PRDM8: variants seen among roughly 807,000 people sequenced by gnomAD.
PRDM8 encodes PR/SET domain 8.
A neutral mutation model predicts 46.5 loss-of-function variants in PRDM8; 13 were observed. The observed-to-expected ratio is 0.28, with a 90% CI of 0.18 to 0.44. The LOEUF (loss-of-function observed/expected upper bound fraction) is 0.44. Ranked by LOEUF, PRDM8 falls within the 20% of genes least tolerant of loss-of-function variation. PRDM8 has a pLI of 1.00. For synonymous variants in PRDM8, 473 were observed against 438.4 expected, an observed-to-expected ratio of 1.08 and a Z score of -0.98; for missense variants, 998 against 955.0, an observed-to-expected ratio of 1.04 and a Z score of -0.59.
chr4:80,198,979 G>GTTTTTT lies in PRDM8; in HGVS notation c.-2-1100_-2-1099insTTTTTT, dbSNP rs1738184321. On this transcript the variant is annotated intron_variant, in intron 1 of 3. Transcript: ENST00000415738. ...AAATTTAAATACCTGGGTTTTTTTG[G>GTTTTTT]GTTTTTTTTTTTTTGTTTTTTTTTT... Among the ~76,000 whole-genome samples, 15 of 113,524 alleles carry GTTTTTT rather than the reference G, an allele frequency of 1.3e-4. 2 individuals are homozygous for GTTTTTT. The East Asian group carries it at 1.3e-3, about 10-fold the overall frequency. The allele number at this position is 113,524 out of a possible 152,430, so 74.5% of individuals were successfully genotyped here.
chr4:80,192,648 C>T (rs1382232515), upstream of PRDM8, among the ~76,000 whole-genome samples: 1 of 152,194 alleles, frequency 6.6e-6, no homozygotes, highest in Non-Finnish European at 1.5e-5. Context: ...TTGGAACCTA[C>T]AGATTTGACA....
intron 2 of PRDM8, 43 bp downstream of exon 2, chr4:80,200,342 C>T (rs781063437): frequency 3.3e-6 from 5 of 1,518,828 alleles, no homozygotes; most frequent in Admixed American, 3.4e-5. Context: ...AGGGTAATGT[C>T]CTGTTGGAAA....
chr4:80,202,971 G>A lies in PRDM8; in HGVS notation c.1509G>A (p.Gln503=). 6.7e-7 allele frequency: 1 copy of A among 1,495,180 alleles called. No individual in the cohort carries two copies. The highest frequency in any genetic ancestry group is 2.2e-5 in the Admixed American group (1 of 45,506). 92.6% of individuals were successfully genotyped at this position (1,495,180 alleles called of 1,614,324 possible). Residue 503 remains glutamine, a synonymous_variant, in exon 4 of 4, where the codon CAG becomes CAA. Transcript: ENST00000415738. ...ASDERKSAFS[Q]PARSFSQLSP... Reference sequence around the variant, plus strand: ...ACGAGCGCAAAAGCGCCTTCTCGCAGCCAGCACGCTCTTTCTCGCAGCTGT... The same window carrying A: ...ACGAGCGCAAAAGCGCCTTCTCGCAACCAGCACGCTCTTTCTCGCAGCTGT...
chr4:80,188,245 C>G (rs1025559197), intron 1 of PRDM8, among the ~76,000 whole-genome samples: 1 of 152,220 alleles, frequency 6.6e-6, no homozygotes, highest in Non-Finnish European at 1.5e-5. Flanking sequence ...GCAGAAGACA[C>G]TGAGCTGCTT....
chr4:80,198,656 T>C (rs1738153509), intron 1 of PRDM8, among the ~76,000 whole-genome samples: 1 of 152,122 alleles, frequency 6.6e-6, no homozygotes, highest in Non-Finnish European at 1.5e-5. Flanking sequence ...AAAATGAGGC[T>C]AACCAAAGTT....
In PRDM8 at chr4:80,197,594, C is replaced by G. The variant is rs1170714300; in HGVS notation, c.-172C>G. 2 of 973,048 alleles carry G rather than the reference C, an allele frequency of 2.1e-6. No homozygotes were observed. Among genetic ancestry groups the G allele is most frequent in the Non-Finnish European group, 2.4e-6 (2 of 818,764 alleles). The allele number at this position is 973,048 out of a possible 1,614,324, so 60.3% of individuals were successfully genotyped here. A position where few individuals can be genotyped will look rare whatever the true frequency, so the allele number is the denominator to read the frequency against. On this transcript the variant is annotated 5_prime_UTR_variant, in exon 1 of 4. Transcript: ENST00000415738. ...CTCCACCCCCCCAATCTTTTTCTCC[C>G]CATCTCTCCATCTCTCTCTTATCTC...
chr4:80,188,322 T>C (rs1464047516), intron 1 of PRDM8, among the ~76,000 whole-genome samples: 3 of 152,232 alleles, frequency 2.0e-5, no homozygotes, highest in Non-Finnish European at 4.4e-5. Context: ...TTAATTCTTA[T>C]GCTGACCCTT....
At chr4:80,190,403 GCC>G (rs1737452903) in intron 1 of PRDM8, among the ~76,000 whole-genome samples, 2 of 152,234 alleles carry the variant, frequency 1.3e-5, no homozygotes, top group South Asian at 4.1e-4. Flanking sequence ...GCCCCACACT[GCC>G]CCACATTCAC....
upstream of PRDM8, chr4:80,196,107 G>A (rs1451176003): frequency 2.0e-6 from 2 of 981,738 alleles, no homozygotes; most frequent in Admixed American, 6.2e-5. Flanking sequence ...AAAGCTGGGA[G>A]AGGATCAAAC....
At chr4:80,197,224 C>G, upstream of PRDM8, 2 of 985,442 alleles carry the variant, frequency 2.0e-6, no homozygotes, top group Non-Finnish European at 2.4e-6. Context: ...TTGGTACCTT[C>G]CTTTCCAATC....
chr4:80,201,772 A>G (rs995739627), intron 3 of PRDM8, 142 bp from the exon 4 acceptor site: 3 of 1,253,432 alleles, frequency 2.4e-6, no homozygotes, highest in Non-Finnish European at 3.4e-6. Context: ...TTTCTCAGGC[A>G]CTCAGGCCCT....
At chr4:80,196,202 T>C, upstream of PRDM8, 3 of 908,438 alleles carry the variant, frequency 3.3e-6, no homozygotes, top group Non-Finnish European at 2.6e-6. Context: ...TCTCCTTACG[T>C]TGTGGTTCTG....
intron 2 of PRDM8, 119 bp from the exon 3 acceptor site, chr4:80,201,167 TCAGA>T: frequency 3.2e-6 from 3 of 929,840 alleles, no homozygotes; most frequent in Non-Finnish European, 4.9e-6. Context: ...AAGCGTGGTC[TCAGA>T]CAATTTTTGG....
intron 1 of PRDM8, among the ~76,000 whole-genome samples, chr4:80,189,101 A>G (rs1737346152): frequency 1.3e-5 from 2 of 152,172 alleles, no homozygotes; most frequent in African/African-American, 2.4e-5. Flanking sequence ...CGCGCGCTCT[A>G]GGAGGCCCAG....
In PRDM8 at chr4:80,202,620, C is replaced by T. The variant is rs748864058; in HGVS notation, c.1158C>T (p.Phe386=). The T allele has an allele frequency of 1.1e-5, 17 of 1,529,624 alleles. No individual in the cohort carries two copies. Among genetic ancestry groups the T allele is most frequent in the Admixed American group, 2.0e-5 (1 of 50,636 alleles). The allele number at this position is 1,529,624 out of a possible 1,614,324, so 94.8% of individuals were successfully genotyped here. The change falls in exon 4 of 4, where the codon TTC becomes TTT. Residue 386 remains phenylalanine (F), a synonymous_variant. Transcript: ENST00000415738. The part of the protein sequence containing the change: ...PETGEAKRSA[F]VEVKKAARAA... The stretch of plus-strand genomic sequence containing the variant: ...CGGGCGAGGCGAAGCGCAGCGCCTT[C>T]GTGGAGGTGAAGAAGGCTGCCCGCG...
chr4:80,202,809 C>G lies in PRDM8; in HGVS notation c.1347C>G (p.Leu449=). ...PRPGGPLPSR[L]EGGSPARGSA... ...CTGGGGGCCCGCTGCCCAGCCGGCTCGAGGGCGGCAGTCCTGCGAGGGGCA... is the reference window on the plus strand; with the variant it reads ...CTGGGGGCCCGCTGCCCAGCCGGCTGGAGGGCGGCAGTCCTGCGAGGGGCA... Residue 449 remains leucine, a synonymous_variant, in exon 4 of 4, where the codon CTC becomes CTG. Coordinates refer to ENST00000415738, the MANE Select transcript of PRDM8 (RefSeq NM_001099403.2). 1 of 1,225,804 alleles carries G rather than the reference C, an allele frequency of 8.2e-7. No homozygotes were observed. The allele number at this position is 1,225,804 out of a possible 1,614,324, so 75.9% of individuals were successfully genotyped here. A position where few individuals can be genotyped will look rare whatever the true frequency, so the allele number is the denominator to read the frequency against.
chr4:80,197,101 G>C (rs1316482341), upstream of PRDM8: 1 of 985,324 alleles, frequency 1.0e-6, no homozygotes, highest in African/African-American at 1.7e-5. Flanking sequence ...CCCTTTCACG[G>C]AACGCGGACT....
intron 1 of PRDM8, among the ~76,000 whole-genome samples, chr4:80,187,614 T>A (rs558563605): frequency 6.6e-6 from 1 of 152,270 alleles, no homozygotes; most frequent in East Asian, 1.9e-4. Context: ...ATAGTCCATA[T>A]CATTTCTCTT....
rs1441607664 is a variant in PRDM8, at chr4:80,203,644, GAC to G, written c.*116_*117del. ...CTTGCACCCCGAAACCCTGCACAAA[GAC>G]ACATACATTCACCGCCCCCCCGCCC... On this transcript the variant is annotated 3_prime_UTR_variant, in exon 4 of 4. Transcript: ENST00000415738. 1.4e-6 allele frequency: 2 copies of G among 1,446,680 alleles called. No homozygotes were observed. Among genetic ancestry groups the G allele is most frequent in the African/African-American group, 1.4e-5 (1 of 69,858 alleles). The allele number at this position is 1,446,680 out of a possible 1,614,324, so 89.6% of individuals were successfully genotyped here.
Sources: allele counts gnomAD v4.1 joint callset (sites outside exome capture counted in the v4.1 genomes callset), GRCh38; gene constraint gnomAD v4.1.1; transcripts MANE v1.5; gene names NCBI Gene and HGNC (gene_info 2026-07-23, HGNC 2026-07-21).